NPEPPS: variants seen among roughly 807,000 people sequenced by gnomAD.
NPEPPS encodes aminopeptidase puromycin sensitive, also known as puromycin-sensitive aminopeptidase.
A neutral mutation model predicts 115.5 loss-of-function variants in NPEPPS; 14 were observed. The ratio of observed to expected loss-of-function variants is 0.12; its 90% CI spans 0.08 to 0.19. The LOEUF (loss-of-function observed/expected upper bound fraction) is 0.19. Ranked by LOEUF, NPEPPS falls within the 10% of genes least tolerant of loss-of-function variation. NPEPPS has a pLI of 1.00. For missense variants in NPEPPS, 523 were observed against 1,110.8 expected (o/e 0.47, Z 7.52); for synonymous variants, 285 against 390.6 (o/e 0.73, Z 3.19).
chr17:47,529,735 C>CT (rs59634065), upstream of NPEPPS, among the ~76,000 whole-genome samples: 3,978 of 18,490 alleles, frequency 0.22, 836 homozygotes, highest in Middle Eastern at 0.33. Flanking sequence ...ATTTCAGTTA[C>CT]ATTATATATA....
chr17:47,549,669 A>G (rs1909491514), intron 2 of NPEPPS, among the ~76,000 whole-genome samples: 2 of 150,498 alleles, frequency 1.3e-5, no homozygotes, highest in Admixed American at 6.6e-5. Flanking sequence ...AATTCCAGCT[A>G]CTTGGGAGGC....
At chr17:47,530,915 C>G (rs1236354733), upstream of NPEPPS, 1 of 151,636 alleles carries the variant, frequency 6.6e-6, no homozygotes, top group Non-Finnish European at 1.5e-5. Flanking sequence ...GTTGGAAGGC[C>G]GCCCCCAGTC....
At position 47,535,279 on chromosome 17, in the gene NPEPPS, C is replaced by T. The variant is rs554606914; in HGVS notation, c.255+3724C>T. On this transcript the variant is annotated intron_variant, in intron 1 of 22. Coordinates refer to ENST00000322157, the MANE Select transcript of NPEPPS (RefSeq NM_006310.4). The stretch of plus-strand genomic sequence containing the variant: ...AAAAAAAAAAAAAAAAGGCTGGGCG[C>T]GGTGGCTCACGCCTGTAATCCCAGC... Among the ~76,000 whole-genome samples, 25 of 134,330 alleles carry T rather than the reference C, an allele frequency of 1.9e-4. No individual in the cohort carries two copies. In the South Asian group the frequency reaches 6.1e-3, roughly 33 times the overall value. The allele number at this position is 134,330 out of a possible 152,430, so 88.1% of individuals were successfully genotyped here. A position where few individuals can be genotyped will look rare whatever the true frequency, so the allele number is the denominator to read the frequency against.
chr17:47,526,849 T>C (rs1907455044), upstream of NPEPPS, among the ~76,000 whole-genome samples: 1 of 152,016 alleles, frequency 6.6e-6, no homozygotes, highest in Admixed American at 6.6e-5. Context: ...TCCCAGCTAC[T>C]CGCGAGGCTG....
In NPEPPS at chr17:47,599,753, TGTAA is replaced by T. The variant is rs758054752; in HGVS notation, c.1600+17_1600+20del. The T allele has an allele frequency of 2.7e-5, 41 of 1,547,082 alleles. No individual in the cohort carries two copies. Among genetic ancestry groups the T allele is most frequent in the African/African-American group, 2.0e-4 (15 of 73,308 alleles). On this transcript the variant is annotated intron_variant, in intron 14 of 22. Transcript: ENST00000322157. ...GGTCATATGTTGGTAAGTAAATGGC[TGTAA>T]GTGAGATATGATTGATGAATTTGGA...
At chr17:47,601,270 T>TTTG (rs575234110) in intron 14 of NPEPPS, among the ~76,000 whole-genome samples, 2 of 152,144 alleles carry the variant, frequency 1.3e-5, no homozygotes, top group Middle Eastern at 3.4e-3. Flanking sequence ...ATATATATTT[T>TTTG]TTGTTGTTGT....
At chr17:47,568,748 C>T (rs551897468) in intron 2 of NPEPPS, among the ~76,000 whole-genome samples, 12 of 152,164 alleles carry the variant, frequency 7.9e-5, no homozygotes, top group Admixed American at 3.9e-4. Context: ...CTCCGCCTCC[C>T]GGGTTCAAGC....
At chr17:47,615,922 A>AG (rs1914171266) in intron 19 of NPEPPS, among the ~76,000 whole-genome samples, 1 of 152,182 alleles carries the variant, frequency 6.6e-6, no homozygotes, top group African/African-American at 2.4e-5. Context: ...AGAGATGAGG[A>AG]GGGTTGTCTT....
chr17:47,619,263 G>C (rs1158808008), intron 21 of NPEPPS, 99 bp downstream of exon 21: 5 of 1,229,994 alleles, frequency 4.1e-6, no homozygotes, highest in Non-Finnish European at 5.8e-6. Flanking sequence ...CTCTTTAAAT[G>C]TTTCCTGTGG....
At chr17:47,568,042 G>A (rs1436979738) in intron 2 of NPEPPS, among the ~76,000 whole-genome samples, 1 of 152,050 alleles carries the variant, frequency 6.6e-6, no homozygotes, top group Non-Finnish European at 1.5e-5. Context: ...TGTATCACAT[G>A]ATACCTCTGT....
intron 3 of NPEPPS, among the ~76,000 whole-genome samples, chr17:47,575,345 A>G (rs1338464488): frequency 1.3e-5 from 2 of 152,050 alleles, no homozygotes; most frequent in Non-Finnish European, 2.9e-5. Context: ...GAGGCCATTT[A>G]TTATTAGTAT....
intron 12 of NPEPPS, chr17:47,592,760 CT>C (rs3066327): frequency 8.7e-5 from 40 of 460,974 alleles, no homozygotes; most frequent in Non-Finnish European, 1.2e-4. Context: ...TCCTTTCTTT[CT>C]TTTTTTTAAT....
chr17:47,529,437 C>T (rs535798076), upstream of NPEPPS, among the ~76,000 whole-genome samples: 53 of 146,378 alleles, frequency 3.6e-4, no homozygotes, highest in African/African-American at 1.0e-3. Flanking sequence ...GACAGAGTCT[C>T]GTTGTCGCCC....
chr17:47,605,644 C>T (rs1238409179), intron 17 of NPEPPS, 92 bp downstream of exon 17: 1 of 791,824 alleles, frequency 1.3e-6, no homozygotes, highest in Non-Finnish European at 2.0e-6. Context: ...TTTGTATCTA[C>T]TGGATGTTAC....
In NPEPPS at chr17:47,615,213, G is replaced by T. The variant is rs548899036; in HGVS notation, c.2295+1488G>T. ...CTGCCTCAGCCTCCCAAGTAGCTGG[G>T]ACTACAGGCACCCGCCACCACACCC... On this transcript the variant is annotated intron_variant, in intron 19 of 22. Transcript: ENST00000322157. Among the ~76,000 whole-genome samples the T allele has an allele frequency of 2.2e-4, 34 of 151,788 alleles. No individual in the cohort carries two copies. The East Asian group carries it at 6.2e-3, about 28-fold the overall frequency.
At chr17:47,618,943 G>A in intron 20 of NPEPPS, 66 bp from the exon 21 acceptor site, 3 of 1,436,300 alleles carry the variant, frequency 2.1e-6, no homozygotes, top group Admixed American at 1.8e-5. Context: ...TCACAGTATG[G>A]TGCACTTTCT....
At chr17:47,598,943 G>T (rs977580883) in intron 13 of NPEPPS, among the ~76,000 whole-genome samples, 11 of 151,992 alleles carry the variant, frequency 7.2e-5, no homozygotes, top group Non-Finnish European at 1.2e-4. Flanking sequence ...GAACCTAGGA[G>T]TTTGAGATCA....
At chr17:47,550,878 C>T (rs145815143) in intron 2 of NPEPPS, among the ~76,000 whole-genome samples, 1,849 of 152,096 alleles carry the variant, frequency 0.012, 39 homozygotes, top group African/African-American at 0.043. Flanking sequence ...CCACCTACCT[C>T]GGCCTCCCAA....
chr17:47,532,736 T>A (rs1276025293), intron 1 of NPEPPS, among the ~76,000 whole-genome samples: 2 of 150,710 alleles, frequency 1.3e-5, no homozygotes, highest in African/African-American at 4.9e-5. Flanking sequence ...ATTCCATTAC[T>A]CTTCACTGCA....
Sources: gnomAD v4.1 joint callset for allele counts (sites outside exome capture counted in the v4.1 genomes callset) on GRCh38, gnomAD v4.1.1 for gene constraint, MANE v1.5 for transcripts, NCBI Gene and HGNC (gene_info 2026-07-23, HGNC 2026-07-21) for gene names.